Variants in LRRC1 observed in about 807,000 individuals in gnomAD.
LRRC1 encodes the protein leucine-rich repeat-containing protein 1.
A neutral mutation model predicts 69.9 loss-of-function variants in LRRC1; 28 were observed. That is an observed-to-expected ratio of 0.40 (90% CI 0.30 to 0.55). The LOEUF (loss-of-function observed/expected upper bound fraction) is 0.55, where lower values mean the gene tolerates loss of function less well. LRRC1 is among the 20% of genes least tolerant of loss of function. The probability of loss-of-function intolerance (pLI) is 0.47; values close to 1 mark genes in which losing one functional copy is unlikely to be tolerated. For synonymous variants in LRRC1, 236 were observed against 240.2 expected (o/e 0.98, Z 0.16); for missense variants, 498 against 609.0 (o/e 0.82, Z 1.92).
chr6:53,912,851 C>T (rs1056959320), intron 10 of LRRC1, among the ~76,000 whole-genome samples: 5 of 152,234 alleles, frequency 3.3e-5, no homozygotes, highest in Admixed American at 2.0e-4. Context: ...GGAGAGACAT[C>T]AATAGGTTCC....
At chr6:53,894,566 T>A (rs1581905666) in intron 4 of LRRC1, among the ~76,000 whole-genome samples, 1 of 152,238 alleles carries the variant, frequency 6.6e-6, no homozygotes, top group Non-Finnish European at 1.5e-5. Context: ...ACCGAAGAGA[T>A]AAAATGACAA....
chr6:53,842,212 G>A lies in LRRC1; in HGVS notation c.262G>A (p.Asp88Asn). Residue 88 changes from aspartate to asparagine, a missense_variant, in exon 2 of 14, where the codon GAT becomes AAT. Asp to Asn is a conservative substitution (Grantham distance 23). This residue lies in a region of LRRC1 where 266 missense variants were observed against 383.9 expected (regional missense o/e 0.69). Coordinates refer to ENST00000370888, the MANE Select transcript of LRRC1 (RefSeq NM_018214.5). ...IANFMQLVEL[D>N]VSRNEIPEIP... ...AAACTTCATGCAGCTGGTGGAACTA[G>A]ATGTGTCTCGAAATGGTAAGAAAGA... is the stretch of plus-strand genomic sequence containing the variant. 2 of 1,612,534 alleles carry A rather than the reference G, an allele frequency of 1.2e-6. No individual in the cohort carries two copies. The highest frequency in any genetic ancestry group is 1.7e-6 in the Non-Finnish European group (2 of 1,178,690).
At chr6:53,822,751 C>G (rs1212333196) in intron 1 of LRRC1, among the ~76,000 whole-genome samples, 2 of 152,178 alleles carry the variant, frequency 1.3e-5, no homozygotes, top group African/African-American at 4.8e-5. Flanking sequence ...ACTCTTGGTC[C>G]TGGTGGAATA....
rs1043311694 is a variant in LRRC1 at position 53,802,745 on chromosome 6, C to G, written c.159+7330C>G. On this transcript the variant is annotated intron_variant, in intron 1 of 13. Coordinates refer to ENST00000370888, the MANE Select transcript of LRRC1 (RefSeq NM_018214.5). ...AATGTATATTTATGTTTGTTCTATACTATGAATTTTAGTTTCATCATCCTG... is the reference window on the plus strand; with the variant it reads ...AATGTATATTTATGTTTGTTCTATAGTATGAATTTTAGTTTCATCATCCTG... Among the ~76,000 whole-genome samples the G allele has an allele frequency of 4.6e-5, 7 of 152,182 alleles. No individual in the cohort carries two copies. The East Asian group carries it at 1.3e-3, about 29-fold the overall frequency.
intron 3 of LRRC1, among the ~76,000 whole-genome samples, chr6:53,880,675 C>A (rs1767259463): frequency 1.3e-5 from 2 of 152,240 alleles, no homozygotes; most frequent in South Asian, 2.1e-4. Flanking sequence ...CTCCTCTGGG[C>A]TCCCGTAATG....
At chr6:53,860,838 G>C (rs1182293067) in intron 2 of LRRC1, among the ~76,000 whole-genome samples, 1 of 152,140 alleles carries the variant, frequency 6.6e-6, no homozygotes, top group African/African-American at 2.4e-5. Context: ...AGTGTGGATG[G>C]GAGCCATGAG....
rs1451123045 is a variant in LRRC1, at chr6:53,922,836, TCGAGACGTTCCTGTCTG to T, written c.*45_*61del. 6.3e-7 allele frequency: 1 copy of T among 1,588,594 alleles called. No homozygotes were observed. The highest frequency in any genetic ancestry group is 1.3e-5 in the African/African-American group (1 of 74,484). Reference sequence around the variant, plus strand: ...TTACCTCCTGTGTCTTCCTCTGCTGTCGAGACGTTCCTGTCTGCTTCCCGGGAGCCTCACGTGCTCCT... The same window carrying T: ...TTACCTCCTGTGTCTTCCTCTGCTGTCTTCCCGGGAGCCTCACGTGCTCCT... On this transcript the variant is annotated 3_prime_UTR_variant, in exon 14 of 14. Coordinates refer to ENST00000370888, the MANE Select transcript of LRRC1 (RefSeq NM_018214.5).
chr6:53,891,281 G>A lies in LRRC1; in HGVS notation c.447-5217G>A, dbSNP rs558800158. Among the ~76,000 whole-genome samples, 3 of 152,176 alleles carry A rather than the reference G, an allele frequency of 2.0e-5. No individual in the cohort carries two copies. In the East Asian group the frequency reaches 5.8e-4, roughly 29 times the overall value. On this transcript the variant is annotated intron_variant, in intron 4 of 13. Transcript: ENST00000370888. ...TGTTTTTTTTTGGTAGGAGGAGGAAGAAGAGGTCATTCCAGCAGTATTGTG... is the reference window on the plus strand; with the variant it reads ...TGTTTTTTTTTGGTAGGAGGAGGAAAAAGAGGTCATTCCAGCAGTATTGTG...
chr6:53,881,238 A>C (rs1263585678), intron 3 of LRRC1, among the ~76,000 whole-genome samples: 2 of 152,228 alleles, frequency 1.3e-5, no homozygotes, highest in Non-Finnish European at 2.9e-5. Context: ...AAAGAAACTG[A>C]GGCACATGTA....
intron 10 of LRRC1, among the ~76,000 whole-genome samples, chr6:53,907,800 T>C (rs1768288412): frequency 6.6e-6 from 1 of 152,140 alleles, no homozygotes; most frequent in Non-Finnish European, 1.5e-5. Context: ...TTTTCAAGTT[T>C]GTTCAGATTA....
intron 2 of LRRC1, among the ~76,000 whole-genome samples, chr6:53,852,339 G>A (rs1052226467): frequency 3.9e-5 from 6 of 152,148 alleles, no homozygotes; most frequent in Admixed American, 2.0e-4. Context: ...ACTAAGCTGC[G>A]AGAGGACTGT....
intron 1 of LRRC1, among the ~76,000 whole-genome samples, chr6:53,838,979 C>A (rs943639935): frequency 6.6e-6 from 1 of 152,000 alleles, no homozygotes; most frequent in Admixed American, 6.6e-5. Flanking sequence ...TGCACACATG[C>A]TTTTTTAATG....
At chr6:53,886,820 A>G (rs1767497651) in intron 4 of LRRC1, among the ~76,000 whole-genome samples, 1 of 152,204 alleles carries the variant, frequency 6.6e-6, no homozygotes, top group African/African-American at 2.4e-5. Context: ...TCCCCACACA[A>G]TAAGCACTTT....
rs78241675 is a variant in LRRC1, at chr6:53,804,855, A to G, written c.159+9440A>G. Among the ~76,000 whole-genome samples the G allele has an allele frequency of 8.2e-3, 1,252 of 152,332 alleles. 12 individuals carry two copies. The highest frequency in any genetic ancestry group is 0.027 in the African/African-American group (1,141 of 41,570). On this transcript the variant is annotated intron_variant, in intron 1 of 13. Transcript: ENST00000370888. Reference sequence around the variant, plus strand: ...TTTAGTCAGAGTTGGATGGAGGCCTAGAGATTACACAAATCTAATCTGTCG... The same window carrying G: ...TTTAGTCAGAGTTGGATGGAGGCCTGGAGATTACACAAATCTAATCTGTCG...
Position 53,904,463 on chromosome 6 carries a change from G to C in LRRC1, c.990+1G>C. 1 of 1,584,396 alleles carries C rather than the reference G, an allele frequency of 6.3e-7. No individual in the cohort carries two copies. Among genetic ancestry groups the C allele is most frequent in the Non-Finnish European group, 8.6e-7 (1 of 1,158,756 alleles). The stretch of plus-strand genomic sequence containing the variant: ...TAAATTAGTGTCCTTACCAAAAGAG[G>C]TATGTGCTTTTAGAGAAATCACATG... On this transcript the variant is annotated splice_donor_variant, in intron 10 of 13. Transcript: ENST00000370888. LOFTEE classifies it high-confidence loss of function.
At chr6:53,860,634 A>G (rs1372196280) in intron 2 of LRRC1, among the ~76,000 whole-genome samples, 3 of 152,136 alleles carry the variant, frequency 2.0e-5, no homozygotes, top group Non-Finnish European at 4.4e-5. Context: ...GTTAAATTAG[A>G]TCCAAACAGT....
intron 10 of LRRC1, among the ~76,000 whole-genome samples, chr6:53,909,812 T>C (rs1241406114): frequency 1.3e-5 from 2 of 152,226 alleles, no homozygotes; most frequent in African/African-American, 2.4e-5. Flanking sequence ...ATTTTACTTA[T>C]TGTACACTTT....
intron 2 of LRRC1, among the ~76,000 whole-genome samples, chr6:53,844,570 A>G (rs923555924): frequency 7.9e-5 from 12 of 152,196 alleles, no homozygotes; most frequent in African/African-American, 2.9e-4. Flanking sequence ...GCACGTTGAT[A>G]AAAGAAACTA....
chr6:53,884,876 G>T (rs4272222), intron 4 of LRRC1, among the ~76,000 whole-genome samples: 42,029 of 151,906 alleles, frequency 0.28, 6,819 homozygotes, highest in African/African-American at 0.44. Flanking sequence ...ACCTGCTTTT[G>T]TCAGTGTTCA....
Sources: gnomAD v4.1 joint callset for allele counts (sites outside exome capture counted in the v4.1 genomes callset) on GRCh38, gnomAD v4.1.1 for gene constraint, gnomAD v4.1.1 regional missense constraint, MANE v1.5 for transcripts, NCBI Gene and HGNC (gene_info 2026-07-23, HGNC 2026-07-21) for gene names.